The following RELL1 variants were observed in gnomAD, a reference collection of about 807,000 sequenced individuals.
RELL1 encodes the protein RELT like 1, also known as RELT-like protein 1.
In RELL1, 10 loss-of-function variants were observed where a neutral mutation model predicts 23.0. The ratio of observed to expected loss-of-function variants is 0.43; its 90% CI spans 0.27 to 0.74. RELL1 has a LOEUF of 0.74. Among genes scored for constraint, RELL1 ranks in the 30% least tolerant of loss-of-function variants. RELL1 has a pLI of 0.19. For synonymous variants in RELL1, 146 were observed against 146.8 expected, an observed-to-expected ratio of 0.99 and a Z score of 0.04; for missense variants, 315 against 364.4, an observed-to-expected ratio of 0.86 and a Z score of 1.10.
intron 1 of RELL1, among the ~76,000 whole-genome samples, chr4:37,674,219 G>A (rs778723287): frequency 6.6e-5 from 10 of 152,108 alleles, no homozygotes; most frequent in African/African-American, 2.4e-4. Context: ...AGTTTGTGGA[G>A]AACAAAAAAG....
intron 6 of RELL1, among the ~76,000 whole-genome samples, chr4:37,602,944 G>T (rs1175353409): frequency 1.7e-4 from 26 of 152,160 alleles, no homozygotes; most frequent in Non-Finnish European, 2.4e-4. Context: ...GTGAGAAAAT[G>T]GAGCGTCCGA....
chr4:37,591,678 C>G (rs1315554861), intron 6 of RELL1: 1 of 152,170 alleles, frequency 6.6e-6, no homozygotes, highest in Non-Finnish European at 1.5e-5. Flanking sequence ...TTTAAATCTC[C>G]TTTGGGATTG....
At chr4:37,658,956 C>G (rs1721220376) in intron 1 of RELL1, among the ~76,000 whole-genome samples, 1 of 152,188 alleles carries the variant, frequency 6.6e-6, no homozygotes, top group Non-Finnish European at 1.5e-5. Flanking sequence ...GCCCTTATCA[C>G]CAATCAATCT....
chr4:37,602,221 C>CAA (rs11410477), intron 6 of RELL1, among the ~76,000 whole-genome samples: 1,726 of 96,546 alleles, frequency 0.018, 74 homozygotes, highest in African/African-American at 0.057. Flanking sequence ...TGTCTCAAAC[C>CAA]AAAAAAAAAA....
intron 4 of RELL1, among the ~76,000 whole-genome samples, chr4:37,635,353 C>A (rs907799763): frequency 1.3e-5 from 2 of 152,104 alleles, no homozygotes; most frequent in African/African-American, 4.8e-5. Context: ...CGGTCAGGCA[C>A]AACAGCTCAT....
chr4:37,614,417 A>G (rs1334644637), intron 6 of RELL1, among the ~76,000 whole-genome samples: 1 of 152,186 alleles, frequency 6.6e-6, no homozygotes, highest in Non-Finnish European at 1.5e-5. Flanking sequence ...ATGATGAGTA[A>G]AGGACCTTTA....
downstream of RELL1, among the ~76,000 whole-genome samples, chr4:37,589,717 C>T (rs1233245105): frequency 4.6e-5 from 7 of 152,258 alleles, no homozygotes; most frequent in East Asian, 3.9e-4. Flanking sequence ...CTGCAGCCTC[C>T]GCCTCCCAGG....
chr4:37,665,961 C>T lies in RELL1; in HGVS notation c.89-16461G>A, dbSNP rs985115834. Among the ~76,000 whole-genome samples the T allele has an allele frequency of 5.9e-5, 9 of 152,016 alleles. No individual in the cohort carries two copies. In the South Asian group the frequency reaches 6.2e-4, roughly 11 times the overall value. On this transcript the variant is annotated intron_variant, in intron 1 of 6. Transcript: ENST00000454158. ...TGAGCTGGCTGGAGGGAAGCAAGGG[C>T]GTCAGAAAGGAAGACTGGCCCAGCA...
At chr4:37,622,038 A>C (rs1207260221) in intron 6 of RELL1, among the ~76,000 whole-genome samples, 1 of 152,224 alleles carries the variant, frequency 6.6e-6, no homozygotes, top group East Asian at 1.9e-4. Context: ...CCAACAACTG[A>C]GGACAAATAG....
intron 6 of RELL1, among the ~76,000 whole-genome samples, chr4:37,624,403 G>GTTCT (rs1358857911): frequency 3.1e-4 from 45 of 146,244 alleles, no homozygotes; most frequent in Non-Finnish European, 4.3e-4. Context: ...GAAGGAAATG[G>GTTCT]TTCTTTCTTT....
At chr4:37,602,795 C>T (rs1451426588) in intron 6 of RELL1, among the ~76,000 whole-genome samples, 1 of 152,160 alleles carries the variant, frequency 6.6e-6, no homozygotes, top group Admixed American at 6.5e-5. Context: ...GGCTCAAACG[C>T]AACAGCAAAG....
intron 2 of RELL1, among the ~76,000 whole-genome samples, chr4:37,648,231 C>A (rs977610162): frequency 2.0e-5 from 3 of 152,212 alleles, no homozygotes; most frequent in African/African-American, 7.2e-5. Context: ...ACCTACAGAG[C>A]ATCTGGGAAG....
intron 1 of RELL1, among the ~76,000 whole-genome samples, chr4:37,679,792 T>A (rs1013614711): frequency 1.3e-5 from 2 of 151,906 alleles, no homozygotes; most frequent in African/African-American, 4.8e-5. Context: ...CCATCTCTAC[T>A]AAAAATACAA....
intron 4 of RELL1, 51 bp from the exon 5 acceptor site, chr4:37,635,174 CGAAGG>C: frequency 1.4e-6 from 2 of 1,391,084 alleles, no homozygotes; most frequent in Non-Finnish European, 2.0e-6. Flanking sequence ...GAAATATCAG[CGAAGG>C]TGATCTCTCT....
intron 1 of RELL1, among the ~76,000 whole-genome samples, chr4:37,675,980 G>T (rs1304963609): frequency 6.6e-6 from 1 of 152,184 alleles, no homozygotes; most frequent in African/African-American, 2.4e-5. Context: ...CACTGCTGTT[G>T]CTTTGCTTGA....
intron 3 of RELL1, among the ~76,000 whole-genome samples, chr4:37,643,634 A>T (rs762972150): frequency 1.3e-5 from 2 of 152,244 alleles, no homozygotes. Flanking sequence ...TATTAATTCC[A>T]ATTTATCAAA....
At chr4:37,622,802 T>G (rs1448804125) in intron 6 of RELL1, 1 of 376,228 alleles carries the variant, frequency 2.7e-6, no homozygotes, top group Admixed American at 2.9e-5. Flanking sequence ...AGTAATGCTT[T>G]TTTTTTTTTT....
chr4:37,667,593 G>A (rs946605174), intron 1 of RELL1, among the ~76,000 whole-genome samples: 4 of 150,812 alleles, frequency 2.7e-5, no homozygotes, highest in African/African-American at 9.8e-5. Context: ...AGTAGAGTTA[G>A]AGAAGGTAGA....
chr4:37,616,623 A>T (rs1719583174), intron 6 of RELL1, among the ~76,000 whole-genome samples: 1 of 152,270 alleles, frequency 6.6e-6, no homozygotes, highest in Non-Finnish European at 1.5e-5. Context: ...TCATTCTAAG[A>T]CAAGGCTATG....
Sources: gnomAD v4.1 joint callset for allele counts (sites outside exome capture counted in the v4.1 genomes callset) on GRCh38, gnomAD v4.1.1 for gene constraint, MANE v1.5 for transcripts, NCBI Gene and HGNC (gene_info 2026-07-23, HGNC 2026-07-21) for gene names.